Variants in LRP1B observed in about 807,000 individuals in gnomAD.
LRP1B encodes the protein low-density lipoprotein receptor-related protein 1B.
Under a neutral mutation model 556.6 loss-of-function variants are expected in LRP1B, and 217 were observed. The ratio of observed to expected loss-of-function variants is 0.39; its 90% CI spans 0.35 to 0.44. The LOEUF (loss-of-function observed/expected upper bound fraction) is 0.44, where lower values mean the gene tolerates loss of function less well. Ranked by LOEUF, LRP1B falls within the 20% of genes least tolerant of loss-of-function variation. The pLI, the probability that LRP1B is intolerant of heterozygous loss-of-function variation, is 1.00. For missense variants in LRP1B, 5,053 were observed against 5,620.8 expected (o/e 0.90, Z 3.23); for synonymous variants, 2,047 against 1,865.8 (o/e 1.10, Z -2.50).
At chr2:140,679,279 C>T (rs1685780946) in intron 41 of LRP1B, among the ~76,000 whole-genome samples, 1 of 152,200 alleles carries the variant, frequency 6.6e-6, no homozygotes, top group South Asian at 2.1e-4. Context: ...TGCGGAGGTA[C>T]TGAGAACTAG....
At chr2:141,562,590 T>C (rs1486922595) in intron 2 of LRP1B, among the ~76,000 whole-genome samples, 3 of 151,926 alleles carry the variant, frequency 2.0e-5, no homozygotes, top group South Asian at 2.1e-4. Flanking sequence ...CTTTGAAGTG[T>C]AGATCAGATC....
chr2:141,064,238 G>A (rs959220706), intron 7 of LRP1B, among the ~76,000 whole-genome samples: 1 of 151,682 alleles, frequency 6.6e-6, no homozygotes, highest in African/African-American at 2.4e-5. Context: ...GCAAAAAAAA[G>A]AAGGATATAG....
intron 11 of LRP1B, among the ~76,000 whole-genome samples, chr2:141,044,127 C>A (rs1698792442): frequency 6.6e-6 from 1 of 151,888 alleles, no homozygotes; most frequent in Admixed American, 6.6e-5. Context: ...ATATCTACAG[C>A]TATCTGATCT....
At chr2:140,620,914 C>T (rs918085344) in intron 41 of LRP1B, among the ~76,000 whole-genome samples, 4 of 152,046 alleles carry the variant, frequency 2.6e-5, no homozygotes, top group South Asian at 2.1e-4. Context: ...TTCTTTTGAA[C>T]CCCCAGGATT....
chr2:141,271,411 T>G (rs1685084800), intron 3 of LRP1B, among the ~76,000 whole-genome samples: 1 of 147,770 alleles, frequency 6.8e-6, no homozygotes, highest in African/African-American at 2.5e-5. Flanking sequence ...AATGTCCAAG[T>G]AGGATAAACA....
chr2:141,534,803 CT>C (rs1317407558), intron 2 of LRP1B, among the ~76,000 whole-genome samples: 1 of 152,048 alleles, frequency 6.6e-6, no homozygotes, highest in East Asian at 1.9e-4. Flanking sequence ...GGGCATTTTC[CT>C]TTTGGTCCTA....
At chr2:140,318,849 T>G (rs1684648153) in intron 82 of LRP1B, among the ~76,000 whole-genome samples, 1 of 151,462 alleles carries the variant, frequency 6.6e-6, no homozygotes, top group Admixed American at 6.6e-5. Flanking sequence ...ATCTGAAGAT[T>G]AAATAAATTC....
intron 3 of LRP1B, among the ~76,000 whole-genome samples, chr2:141,372,624 T>C (rs1689270737): frequency 6.6e-6 from 1 of 152,064 alleles, no homozygotes; most frequent in South Asian, 2.1e-4. Context: ...GCTTGCAGTT[T>C]TCCAGGAATT....
At chr2:141,998,283 C>T (rs555273265) in intron 1 of LRP1B, among the ~76,000 whole-genome samples, 25 of 151,870 alleles carry the variant, frequency 1.6e-4, no homozygotes, top group African/African-American at 6.0e-4. Context: ...CACCCAGATT[C>T]TCTCTCTCTC....
At chr2:142,004,631 G>T (rs2381201) in intron 1 of LRP1B, among the ~76,000 whole-genome samples, 1 of 151,922 alleles carries the variant, frequency 6.6e-6, no homozygotes, top group Non-Finnish European at 1.5e-5. Flanking sequence ...GGATCACCCG[G>T]GGTCAGGAGT....
At chr2:141,894,450 C>A (rs976109337) in intron 1 of LRP1B, among the ~76,000 whole-genome samples, 5 of 151,804 alleles carry the variant, frequency 3.3e-5, no homozygotes, top group African/African-American at 1.2e-4. Context: ...CAGGGCTTTT[C>A]AAATAAATAT....
Position 140,516,976 on chromosome 2 carries a change from T to C in LRP1B, c.8062A>G (p.Ser2688Gly). ...AAAATGCATCTTCCACTAGGACAACTAAAATAATTTTCTTCACATTTGTGT... is the reference window on the plus strand; with the variant it reads ...AAAATGCATCTTCCACTAGGACAACCAAAATAATTTTCTTCACATTTGTGT... ...NKHKCEENYFSCPSGRCILNT... is the reference protein window; with the variant it reads ...NKHKCEENYFGCPSGRCILNT... The change falls in exon 50 of 91, where the codon AGT becomes GGT. Residue 2688 changes from serine (S) to glycine (G), a missense_variant. Transcript: ENST00000389484. 1 of 1,597,836 alleles carries C rather than the reference T, an allele frequency of 6.3e-7. No homozygotes were observed. Among genetic ancestry groups the C allele is most frequent in the South Asian group, 1.1e-5 (1 of 90,780 alleles).
Position 141,768,746 on chromosome 2 carries a change from C to T in LRP1B, c.205+41533G>A, listed in dbSNP as rs144945077. ...GATTTTAATTGAAAATTAATTCTAA[C>T]ATTTCTAGTCTATATATTTGGCTGC... is the stretch of plus-strand genomic sequence containing the variant. On this transcript the variant is annotated intron_variant, in intron 2 of 90. Transcript: ENST00000389484. 6.3e-3 allele frequency among the ~76,000 whole-genome samples: 956 copies of T among 151,738 alleles called. 5 individuals carry two copies. The highest frequency in any genetic ancestry group is 9.3e-3 in the Non-Finnish European group (632 of 67,902).
chr2:141,304,533 A>T (rs1298404319), intron 3 of LRP1B, among the ~76,000 whole-genome samples: 2 of 139,588 alleles, frequency 1.4e-5, no homozygotes. Flanking sequence ...AGGCTCAAGT[A>T]CAGTGGCGTG....
intron 86 of LRP1B, among the ~76,000 whole-genome samples, chr2:140,263,748 C>G (rs927751498): frequency 1.3e-5 from 2 of 151,686 alleles, no homozygotes; most frequent in Non-Finnish European, 2.9e-5. Flanking sequence ...TGAGACCTCA[C>G]CAGAAATAAC....
At chr2:141,890,331 T>TATATAC (rs1553480463) in intron 1 of LRP1B, among the ~76,000 whole-genome samples, 1 of 120,780 alleles carries the variant, frequency 8.3e-6, no homozygotes, top group Non-Finnish European at 1.6e-5. Flanking sequence ...TACATATATA[T>TATATAC]ATATATATAT....
chr2:140,797,732 G>C (rs1040975841), intron 32 of LRP1B, among the ~76,000 whole-genome samples: 8 of 151,966 alleles, frequency 5.3e-5, no homozygotes, highest in African/African-American at 1.9e-4. Context: ...TGAAACATAA[G>C]CTATTTTTTA....
intron 18 of LRP1B, among the ~76,000 whole-genome samples, chr2:140,978,171 T>C (rs1299413587): frequency 6.6e-6 from 1 of 152,130 alleles, no homozygotes; most frequent in Non-Finnish European, 1.5e-5. Context: ...CCACATATAA[T>C]CTCAACCTAA....
At position 141,353,324 on chromosome 2, in the gene LRP1B, A is replaced by T. The variant is rs564899953; in HGVS notation, c.344-98683T>A. ...ATTTATTATGAGAGATACCTGGGTC[A>T]TCTCTAAGTTAGAACCTAGAGGGGA... is the stretch of plus-strand genomic sequence containing the variant. On this transcript the variant is annotated intron_variant, in intron 3 of 90. Coordinates refer to ENST00000389484, the MANE Select transcript of LRP1B (RefSeq NM_018557.3). Among the ~76,000 whole-genome samples the T allele has an allele frequency of 5.5e-4, 84 of 152,124 alleles. 1 individual carries two copies. Among genetic ancestry groups the T allele is most frequent in the African/African-American group, 2.0e-3 (83 of 41,508 alleles).
Sources: allele counts gnomAD v4.1 joint callset (sites outside exome capture counted in the v4.1 genomes callset), GRCh38; gene constraint gnomAD v4.1.1; transcripts MANE v1.5; gene names NCBI Gene and HGNC (gene_info 2026-07-23, HGNC 2026-07-21).